The following SUMF1 variants were observed in gnomAD, a reference collection of about 807,000 sequenced individuals.
SUMF1 encodes the protein sulfatase modifying factor 1, also known as formylglycine-generating enzyme.
A neutral mutation model predicts 47.6 loss-of-function variants in SUMF1; 48 were observed. The observed-to-expected ratio is 1.01, with a 90% CI of 0.80 to 1.28. The LOEUF (loss-of-function observed/expected upper bound fraction) is 1.28. Ranked by LOEUF, SUMF1 falls within the 50% of genes most tolerant of loss-of-function variation. The probability of loss-of-function intolerance (pLI) is 0.00; values close to 1 mark genes in which losing one functional copy is unlikely to be tolerated. For synonymous variants in SUMF1, 230 were observed against 192.1 expected, an observed-to-expected ratio of 1.20 and a Z score of -1.63; for missense variants, 571 against 485.4, an observed-to-expected ratio of 1.18 and a Z score of -1.66.
chr3:4,224,229 G>A (rs1392487921), intron 8 of SUMF1, among the ~76,000 whole-genome samples: 2 of 152,070 alleles, frequency 1.3e-5, no homozygotes, highest in African/African-American at 2.4e-5. Flanking sequence ...AGCAAGGTAG[G>A]TTAGTTTCGC....
intron 8 of SUMF1, among the ~76,000 whole-genome samples, chr3:4,336,089 AG>A (rs1260997392): frequency 5.9e-5 from 9 of 152,158 alleles, no homozygotes; most frequent in Admixed American, 5.9e-4. Context: ...GAAGCCAAAA[AG>A]TGACTGAGGG....
At chr3:4,338,594 T>C (rs530582605) in intron 8 of SUMF1, among the ~76,000 whole-genome samples, 2 of 152,328 alleles carry the variant, frequency 1.3e-5, no homozygotes, top group East Asian at 1.9e-4. Context: ...GCATCTACTG[T>C]TACATTCTGG....
intron 3 of SUMF1, among the ~76,000 whole-genome samples, chr3:4,428,582 G>T (rs972475041): frequency 6.6e-6 from 1 of 152,128 alleles, no homozygotes; most frequent in African/African-American, 2.4e-5. Context: ...TTGAACTCCT[G>T]TCCTCAAGCA....
intron 8 of SUMF1, among the ~76,000 whole-genome samples, chr3:4,265,136 CAAAAAAA>C (rs71043507): frequency 4.1e-5 from 3 of 73,410 alleles, no homozygotes; most frequent in Non-Finnish European, 7.7e-5. Flanking sequence ...GACTCCATCT[CAAAAAAA>C]AAAAAAAAAA....
chr3:4,359,501 C>G (rs2638374), downstream of SUMF1, among the ~76,000 whole-genome samples: 1 of 151,898 alleles, frequency 6.6e-6, no homozygotes, highest in South Asian at 2.1e-4. Flanking sequence ...GTTATAACTC[C>G]GTGTTCACAC....
intron 8 of SUMF1, among the ~76,000 whole-genome samples, chr3:4,137,696 A>T (rs1258842872): frequency 6.6e-6 from 1 of 152,114 alleles, no homozygotes; most frequent in Non-Finnish European, 1.5e-5. Flanking sequence ...AAAATTCCAC[A>T]ACTAACATCA....
chr3:4,253,659 C>T (rs1173484274), intron 8 of SUMF1, among the ~76,000 whole-genome samples: 1 of 151,742 alleles, frequency 6.6e-6, no homozygotes, highest in African/African-American at 2.4e-5. Context: ...TGTGATCAAA[C>T]TGCAAGGCGG....
intron 3 of SUMF1, among the ~76,000 whole-genome samples, chr3:4,441,355 C>G (rs1180615878): frequency 6.6e-6 from 1 of 152,206 alleles, no homozygotes; most frequent in East Asian, 1.9e-4. Context: ...TGGGCTCCCA[C>G]TGATTCTACA....
chr3:4,124,387 T>TCTC (rs879710774), intron 8 of SUMF1, among the ~76,000 whole-genome samples: 2 of 152,122 alleles, frequency 1.3e-5, no homozygotes, highest in Non-Finnish European at 2.9e-5. Context: ...ACAATGTTAT[T>TCTC]CTCCTTCCTA....
intron 9 of SUMF1, among the ~76,000 whole-genome samples, chr3:4,051,971 A>G (rs1403232314): frequency 6.6e-6 from 1 of 152,136 alleles, no homozygotes; most frequent in Non-Finnish European, 1.5e-5. Context: ...GATTCTCAAA[A>G]TGGTTTTGGT....
chr3:4,433,380 C>A (rs1287886779), intron 3 of SUMF1, among the ~76,000 whole-genome samples: 1 of 152,188 alleles, frequency 6.6e-6, no homozygotes, highest in Non-Finnish European at 1.5e-5. Context: ...ATTGTGTGCC[C>A]TGTTATCCTA....
At chr3:4,336,465 G>A (rs1266451814) in intron 8 of SUMF1, among the ~76,000 whole-genome samples, 2 of 152,118 alleles carry the variant, frequency 1.3e-5, no homozygotes, top group East Asian at 1.9e-4. Context: ...GCTATGACAC[G>A]GGTTGTGAAA....
intron 9 of SUMF1, among the ~76,000 whole-genome samples, chr3:4,040,346 AT>A (rs1694887230): frequency 6.6e-6 from 1 of 152,078 alleles, no homozygotes; most frequent in Non-Finnish European, 1.5e-5. Flanking sequence ...TAACTCATTA[AT>A]TTTACAACAT....
intron 9 of SUMF1, among the ~76,000 whole-genome samples, chr3:4,047,362 A>C (rs909936916): frequency 2.6e-5 from 4 of 152,074 alleles, no homozygotes; most frequent in African/African-American, 9.7e-5. Context: ...AATCTTGGTC[A>C]TCTCATTCCC....
At chr3:4,184,247 A>C (rs1322377819) in intron 8 of SUMF1, among the ~76,000 whole-genome samples, 6 of 152,020 alleles carry the variant, frequency 3.9e-5, no homozygotes, top group Non-Finnish European at 8.8e-5. Flanking sequence ...CTTGAGGTCA[A>C]GAATCTGAGA....
At chr3:4,316,098 T>G in intron 8 of SUMF1, 2 of 526,960 alleles carry the variant, frequency 3.8e-6, no homozygotes, top group South Asian at 2.9e-5. Context: ...TGGAATTTGG[T>G]ATTTGATATT....
intron 8 of SUMF1, among the ~76,000 whole-genome samples, chr3:4,214,623 T>G (rs1042942127): frequency 1.3e-5 from 2 of 152,078 alleles, no homozygotes; most frequent in African/African-American, 2.4e-5. Context: ...CAGGAGCTGT[T>G]TTTTGAAAAG....
At chr3:4,146,163 G>A (rs917818277) in intron 8 of SUMF1, among the ~76,000 whole-genome samples, 1 of 152,086 alleles carries the variant, frequency 6.6e-6, no homozygotes, top group African/African-American at 2.4e-5. Context: ...AATCGCACGT[G>A]TGTTCTGGGA....
chr3:4,273,127 T>TATATATATACACACACAC (rs1559639457), intron 8 of SUMF1, among the ~76,000 whole-genome samples: 3 of 148,092 alleles, frequency 2.0e-5, no homozygotes, highest in Admixed American at 1.4e-4. Context: ...TACACACACA[T>TATATATATACACACACAC]ATATATATAT....
Sources: allele counts gnomAD v4.1 joint callset (sites outside exome capture counted in the v4.1 genomes callset), GRCh38; gene constraint gnomAD v4.1.1; transcripts MANE v1.5; gene names NCBI Gene and HGNC (gene_info 2026-07-23, HGNC 2026-07-21).